TOX2: variants seen among roughly 807,000 people sequenced by gnomAD.
TOX2 encodes the protein granulosa cell HMG box 1.
Under a neutral mutation model 47.4 loss-of-function variants are expected in TOX2, and 15 were observed. The observed-to-expected ratio is 0.32, with a 90% CI of 0.21 to 0.49. TOX2 has a LOEUF of 0.49. Among genes scored for constraint, TOX2 ranks in the 20% least tolerant of loss-of-function variants. The pLI is 0.99. For synonymous variants in TOX2, 290 were observed against 296.6 expected (o/e 0.98, Z 0.23); for missense variants, 622 against 673.1 (o/e 0.92, Z 0.84).
intron 1 of TOX2, among the ~76,000 whole-genome samples, chr20:43,929,933 C>T (rs1054771015): frequency 1.6e-4 from 25 of 152,178 alleles, no homozygotes; most frequent in African/African-American, 6.0e-4. Context: ...TGGTCTCAAT[C>T]TCCTGACATC....
rs900504243 is a variant in TOX2, at chr20:43,987,607, G to A, written c.165+14175G>A. On this transcript the variant is annotated intron_variant, in intron 2 of 8. Coordinates refer to ENST00000341197, the MANE Select transcript of TOX2 (RefSeq NM_001098797.2). ...TTTAGAGACAGGGCAGGCAGGGAAG[G>A]GAACCTAGCCAGGTTTGGTCATTTG... is the stretch of plus-strand genomic sequence containing the variant. 7.9e-5 allele frequency among the ~76,000 whole-genome samples: 12 copies of A among 152,326 alleles called. No individual in the cohort carries two copies. In the South Asian group the frequency reaches 8.3e-4, roughly 11 times the overall value.
rs371519768 is a variant in TOX2 at position 44,066,700 on chromosome 20, G to A, written c.1357-30G>A. ...CAGTCTGCCCCCTCATCTCTCCTTG[G>A]CTCATGGCCTCCTCCTTCCCACTCT... On this transcript the variant is annotated intron_variant, in intron 7 of 8. Coordinates refer to ENST00000341197, the MANE Select transcript of TOX2 (RefSeq NM_001098797.2). 6.8e-6 allele frequency: 11 copies of A among 1,613,748 alleles called. No homozygotes were observed. In the African/African-American group the frequency reaches 1.3e-4, roughly 20 times the overall value.
At chr20:43,921,399 TC>T (rs542264302) in intron 1 of TOX2, among the ~76,000 whole-genome samples, 4 of 152,332 alleles carry the variant, frequency 2.6e-5, no homozygotes, top group African/African-American at 9.6e-5. Context: ...AACACTGCCT[TC>T]ACCACCATCA....
chr20:43,980,738 G>A (rs570248964), intron 2 of TOX2, among the ~76,000 whole-genome samples: 1 of 152,096 alleles, frequency 6.6e-6, no homozygotes, highest in African/African-American at 2.4e-5. Context: ...CAAACCTTAA[G>A]GTATACTTTA....
At chr20:43,992,738 T>C (rs1478656050) in intron 2 of TOX2, among the ~76,000 whole-genome samples, 14 of 151,822 alleles carry the variant, frequency 9.2e-5, no homozygotes, top group Middle Eastern at 6.9e-3. Flanking sequence ...AAGTGACAAA[T>C]TGGGAGTAAT....
intron 3 of TOX2, among the ~76,000 whole-genome samples, chr20:44,042,814 G>A (rs760252949): frequency 4.1e-4 from 62 of 152,152 alleles, no homozygotes; most frequent in Admixed American, 3.3e-4. Flanking sequence ...AGCCTGGCCT[G>A]ACTTATTTAT....
chr20:43,918,452 C>G (rs953132155), intron 1 of TOX2, among the ~76,000 whole-genome samples: 5 of 152,206 alleles, frequency 3.3e-5, no homozygotes. Flanking sequence ...GAAGTTCCCT[C>G]ACATCCCTTT....
intron 2 of TOX2, among the ~76,000 whole-genome samples, chr20:43,997,999 A>G (rs1287466037): frequency 6.6e-6 from 1 of 152,176 alleles, no homozygotes; most frequent in Non-Finnish European, 1.5e-5. Context: ...GGTAGTTTAT[A>G]AAGAAAAGAG....
At chr20:43,967,972 A>G (rs1224556963) in intron 1 of TOX2, among the ~76,000 whole-genome samples, 3 of 152,214 alleles carry the variant, frequency 2.0e-5, no homozygotes, top group African/African-American at 7.2e-5. Flanking sequence ...CCCATAAAAA[A>G]AACTGTGGCT....
At chr20:43,919,697 C>T (rs565506377) in intron 1 of TOX2, among the ~76,000 whole-genome samples, 14 of 152,272 alleles carry the variant, frequency 9.2e-5, no homozygotes, top group South Asian at 2.1e-4. Context: ...TGACAGGCCC[C>T]GGTGTGTGTT....
rs575418660 is a variant in TOX2, at chr20:43,928,981, G to GAAAAAAAAAAAAAAAAAAAAAAAAAA, written c.99+14009_99+14010insAAAAAAAAAAAAAAAAAAAAAAAAAA. Among the ~76,000 whole-genome samples the GAAAAAAAAAAAAAAAAAAAAAAAAAA allele has an allele frequency of 3.5e-5, 3 of 86,136 alleles. 1 individual carries two copies. The highest frequency in any genetic ancestry group is 3.5e-4 in the East Asian group (1 of 2,846). The allele number at this position is 86,136 out of a possible 152,430, so 56.5% of individuals were successfully genotyped here. A position where few individuals can be genotyped will look rare whatever the true frequency, so the allele number is the denominator to read the frequency against. ...GAAACCCTGTCTCTACTAAAAATAT[G>GAAAAAAAAAAAAAAAAAAAAAAAAAA]AAAAAAAAAAAAAAAAAACAACAAC... On this transcript the variant is annotated intron_variant, in intron 1 of 8. Transcript: ENST00000341197.
chr20:43,944,474 G>A (rs1405448242), intron 1 of TOX2, among the ~76,000 whole-genome samples: 2 of 152,156 alleles, frequency 1.3e-5, no homozygotes. Context: ...TCCAGGCAGA[G>A]GGAACAGCAT....
chr20:43,928,861 G>C (rs6093895), intron 1 of TOX2, among the ~76,000 whole-genome samples: 13 of 151,666 alleles, frequency 8.6e-5, no homozygotes, highest in African/African-American at 3.2e-4. Context: ...GGGGCCGGGC[G>C]TGGTGGCTCA....
At chr20:43,940,699 C>T (rs958208661) in intron 1 of TOX2, among the ~76,000 whole-genome samples, 3 of 151,910 alleles carry the variant, frequency 2.0e-5, no homozygotes, top group African/African-American at 7.3e-5. Context: ...ATCAGGGCAC[C>T]CTAGGGGTGT....
At chr20:43,990,906 GA>G (rs757721642) in intron 2 of TOX2, among the ~76,000 whole-genome samples, 1 of 150,872 alleles carries the variant, frequency 6.6e-6, no homozygotes, top group Non-Finnish European at 1.5e-5. Flanking sequence ...AAATGGGAAA[GA>G]AAAAAAAAGC....
Position 44,048,400 on chromosome 20 carries a change from ATATATATATATATG to A in TOX2, c.412-2901_412-2888del, listed in dbSNP as rs1406327901. On this transcript the variant is annotated intron_variant, in intron 3 of 8. Coordinates refer to ENST00000341197, the MANE Select transcript of TOX2 (RefSeq NM_001098797.2). ...GGATAAAATGAATTTATATATATAT[ATATATATATATATG>A]TATAATTTACCAAAACTGACTCGAG... Among the ~76,000 whole-genome samples, 41 of 130,862 alleles carry A rather than the reference ATATATATATATATG, an allele frequency of 3.1e-4. 2 individuals are homozygous for A. Among genetic ancestry groups the A allele is most frequent in the East Asian group, 1.5e-3 (7 of 4,794 alleles). The allele number at this position is 130,862 out of a possible 152,430, so 85.9% of individuals were successfully genotyped here.
At position 43,924,527 on chromosome 20, in the gene TOX2, C is replaced by T. The variant is rs563183860; in HGVS notation, c.99+9537C>T. Among the ~76,000 whole-genome samples, 9 of 152,308 alleles carry T rather than the reference C, an allele frequency of 5.9e-5. No individual in the cohort carries two copies. In the East Asian group the frequency reaches 1.7e-3, roughly 29 times the overall value. On this transcript the variant is annotated intron_variant, in intron 1 of 8. Coordinates refer to ENST00000341197, the MANE Select transcript of TOX2 (RefSeq NM_001098797.2). ...CTCTGGGCAAGAGCCAGGGCTTTCT[C>T]TTTGGGCTGGAGTCCTGTCTAGTTC...
intron 1 of TOX2, among the ~76,000 whole-genome samples, chr20:43,961,112 G>A (rs975367508): frequency 3.3e-5 from 5 of 152,262 alleles, no homozygotes; most frequent in African/African-American, 4.8e-5. Flanking sequence ...CATGTTTTAC[G>A]GGGTGCCCCC....
intron 2 of TOX2, among the ~76,000 whole-genome samples, chr20:43,996,358 G>C (rs189080131): frequency 6.6e-6 from 1 of 152,310 alleles, no homozygotes; most frequent in African/African-American, 2.4e-5. Flanking sequence ...GCCAAACCAG[G>C]ACACTGTTTA....
Sources: allele counts gnomAD v4.1 joint callset (sites outside exome capture counted in the v4.1 genomes callset), GRCh38; gene constraint gnomAD v4.1.1; transcripts MANE v1.5; gene names NCBI Gene and HGNC (gene_info 2026-07-23, HGNC 2026-07-21).